Variants in HSPA4 observed in about 807,000 individuals in gnomAD.
HSPA4 encodes the protein heat shock protein family A (Hsp70) member 4, also known as heat shock 70 kDa protein 4.
HSPA4 carries 25 observed loss-of-function variants against 106.2 expected under a neutral mutation model. The ratio of observed to expected loss-of-function variants is 0.24; its 90% confidence interval spans 0.17 to 0.33. The LOEUF is 0.33. HSPA4 is among the 10% of genes least tolerant of loss of function. HSPA4 has a pLI of 1.00. For synonymous variants in HSPA4, 332 were observed against 333.6 expected, an observed-to-expected ratio of 1.00 and a Z score of 0.05; for missense variants, 841 against 996.0, an observed-to-expected ratio of 0.84 and a Z score of 2.10.
intron 4 of HSPA4, 83 bp from the exon 5 acceptor site, chr5:133,073,147 G>A: frequency 1.3e-6 from 1 of 757,954 alleles, no homozygotes; most frequent in South Asian, 1.7e-5. Flanking sequence ...ATAAATTGCT[G>A]TAGGTATTTG....
chr5:133,093,053 A>G (rs887706148), intron 13 of HSPA4, among the ~76,000 whole-genome samples: 2 of 150,234 alleles, frequency 1.3e-5, no homozygotes, highest in African/African-American at 4.9e-5. Context: ...CAGGTCTCGA[A>G]CTTCTGACCT....
At chr5:133,095,783 GGT>G (rs1765704391) in intron 13 of HSPA4, among the ~76,000 whole-genome samples, 1 of 152,036 alleles carries the variant, frequency 6.6e-6, no homozygotes, top group African/African-American at 2.4e-5. Context: ...TAGACATTGT[GGT>G]GTAACCAATC....
At chr5:133,059,447 C>CA (rs539958401) in intron 1 of HSPA4, among the ~76,000 whole-genome samples, 34,023 of 125,836 alleles carry the variant, frequency 0.27, 4,111 homozygotes, top group East Asian at 0.42. Context: ...GACTTTGTCT[C>CA]AAAAAAAAAA....
At chr5:133,055,716 T>C (rs1296715954) in intron 1 of HSPA4, among the ~76,000 whole-genome samples, 2 of 152,108 alleles carry the variant, frequency 1.3e-5, no homozygotes, top group Admixed American at 6.6e-5. Flanking sequence ...AATTACTAAC[T>C]GTGGTAAAGG....
intron 7 of HSPA4, among the ~76,000 whole-genome samples, chr5:133,085,747 A>G (rs1033780619): frequency 1.6e-5 from 2 of 124,808 alleles, no homozygotes; most frequent in Admixed American, 1.5e-4. Context: ...GCAGGGAGGG[A>G]TGAATAGTTG....
intron 1 of HSPA4, among the ~76,000 whole-genome samples, chr5:133,055,065 TAAAA>T (rs762852601): frequency 6.6e-6 from 1 of 152,178 alleles, no homozygotes; most frequent in Non-Finnish European, 1.5e-5. Flanking sequence ...TTGTTGCAGA[TAAAA>T]AATTTGCCTC....
intron 1 of HSPA4, among the ~76,000 whole-genome samples, chr5:133,058,464 A>C (rs1443958683): frequency 1.3e-5 from 2 of 151,922 alleles, no homozygotes; most frequent in Non-Finnish European, 2.9e-5. Context: ...GGTCGCCTGA[A>C]GTCAGGAGTT....
rs1303727790 is a variant in HSPA4 at position 133,105,027 on chromosome 5, T to G, written c.*591T>G. 6.6e-6 allele frequency: 1 copy of G among 152,452 alleles called. No homozygotes were observed. Among genetic ancestry groups the G allele is most frequent in the East Asian group, 1.9e-4 (1 of 5,208 alleles). The allele number at this position is 152,452 out of a possible 1,614,324, so 9.4% of individuals were successfully genotyped here. A position where few individuals can be genotyped will look rare whatever the true frequency, so the allele number is the denominator to read the frequency against. ...AAAAGGGCTCCCATTATAAATGCCA[T>G]GTACTTCTCTTGGGAAAATAGACCC... On this transcript the variant is annotated 3_prime_UTR_variant, in exon 19 of 19. Transcript: ENST00000304858.
At chr5:133,071,308 A>C (rs1382708497) in intron 4 of HSPA4, among the ~76,000 whole-genome samples, 2 of 151,248 alleles carry the variant, frequency 1.3e-5, no homozygotes, top group Non-Finnish European at 2.9e-5. Flanking sequence ...AAAAAAAAAA[A>C]AAATTAGCTG....
rs147494792 is a variant in HSPA4 at position 133,079,810 on chromosome 5, C to T, written c.908+2912C>T. 4.9e-3 allele frequency among the ~76,000 whole-genome samples: 744 copies of T among 152,274 alleles called. 5 individuals carry two copies. Among genetic ancestry groups the T allele is most frequent in the African/African-American group, 0.017 (723 of 41,568 alleles). ...GATTATTTTGGTAGATTACTAGTAG[C>T]TTTGTGTTAATTCATCGTTTTGATG... On this transcript the variant is annotated intron_variant, in intron 7 of 18. Transcript: ENST00000304858.
chr5:133,083,100 A>T (rs1765534313), intron 7 of HSPA4, among the ~76,000 whole-genome samples: 2 of 148,246 alleles, frequency 1.3e-5, no homozygotes, highest in African/African-American at 5.0e-5. Context: ...CTGCCACTGC[A>T]CTCCAGCCTG....
At chr5:133,090,160 T>C (rs1419474857) in intron 11 of HSPA4, among the ~76,000 whole-genome samples, 2 of 151,956 alleles carry the variant, frequency 1.3e-5, no homozygotes, top group Non-Finnish European at 2.9e-5. Flanking sequence ...AATAGCCAGG[T>C]GCGGTGGCTC....
chr5:133,073,606 T>G (rs1174656454), intron 5 of HSPA4, among the ~76,000 whole-genome samples: 2 of 152,218 alleles, frequency 1.3e-5, no homozygotes, highest in African/African-American at 4.8e-5. Context: ...GGTTAAAGAC[T>G]GGTCTTCTCT....
intron 1 of HSPA4, among the ~76,000 whole-genome samples, chr5:133,063,509 C>CGA (rs1765270722): frequency 6.6e-6 from 1 of 152,066 alleles, no homozygotes; most frequent in African/African-American, 2.4e-5. Flanking sequence ...TGGCTCACTG[C>CGA]AACCTCCGTC....
intron 4 of HSPA4, among the ~76,000 whole-genome samples, chr5:133,072,066 A>C (rs1411056588): frequency 6.6e-6 from 1 of 152,098 alleles, no homozygotes; most frequent in African/African-American, 2.4e-5. Context: ...GGAATGCGTA[A>C]GTGTCTTCCA....
intron 7 of HSPA4, among the ~76,000 whole-genome samples, chr5:133,078,696 A>T (rs370117351): frequency 1.5e-3 from 225 of 148,558 alleles, no homozygotes; most frequent in African/African-American, 5.2e-3. Flanking sequence ...CGTAGCTCTT[A>T]TATGTTCTAT....
In HSPA4 at chr5:133,098,440, T is replaced by G. The variant is rs532697783; in HGVS notation, c.1930-1105T>G. ...CATTCTCCTGCCTCAGCCTCCGGAG[T>G]AGCCGGGAGTACAGGTGCCTGCTAC... On this transcript the variant is annotated intron_variant, in intron 15 of 18. Coordinates refer to ENST00000304858, the MANE Select transcript of HSPA4 (RefSeq NM_002154.4). 1.8e-3 allele frequency among the ~76,000 whole-genome samples: 267 copies of G among 151,536 alleles called. 1 individual carries two copies. Among genetic ancestry groups the G allele is most frequent in the African/African-American group, 6.2e-3 (258 of 41,364 alleles).
Position 133,052,319 on chromosome 5 carries a change from C to G in HSPA4, c.69C>G (p.Ile23Met). ...TCGCTGTGGCCCGCGCCGGCGGCAT[C>G]GAGACTATCGCTAATGAGTATAGCG... Reference protein sequence around the residue: ...CYVAVARAGGIETIANEYSDR... With the variant: ...CYVAVARAGGMETIANEYSDR... The change falls in exon 1 of 19, where the codon ATC becomes ATG. Residue 23 changes from isoleucine (I) to methionine (M), a missense_variant. Around this residue, in one of 5 missense-constraint regions of HSPA4, gnomAD observed 347 missense variants for 408.7 expected, o/e 0.85. Transcript: ENST00000304858. The G allele has an allele frequency of 6.3e-7, 1 of 1,585,534 alleles. No individual in the cohort carries two copies. The highest frequency in any genetic ancestry group is 8.6e-7 in the Non-Finnish European group (1 of 1,168,432).
chr5:133,063,384 G>A (rs545742954), intron 1 of HSPA4, among the ~76,000 whole-genome samples: 3 of 152,148 alleles, frequency 2.0e-5, no homozygotes, highest in Admixed American at 2.0e-4. Flanking sequence ...CTCCCAAAAC[G>A]TTGGGATTAC....
Sources: allele counts gnomAD v4.1 joint callset (sites outside exome capture counted in the v4.1 genomes callset), GRCh38; gene constraint gnomAD v4.1.1; regional missense constraint gnomAD v4.1.1; transcripts MANE v1.5; gene names NCBI Gene and HGNC (gene_info 2026-07-23, HGNC 2026-07-21).